Variants in FOLH1 observed in about 807,000 individuals in gnomAD.
FOLH1 encodes folate hydrolase 1.
FOLH1 carries 54 observed loss-of-function variants against 93.9 expected under a neutral mutation model. The observed-to-expected ratio is 0.57, with a 90% CI of 0.46 to 0.72. FOLH1 has a LOEUF of 0.72. FOLH1 is among the 30% of genes least tolerant of loss of function. FOLH1 has a pLI of 0.00. For synonymous variants in FOLH1, 249 were observed against 303.6 expected (o/e 0.82, Z 1.87); for missense variants, 571 against 892.5 (o/e 0.64, Z 4.59).
intron 10 of FOLH1, among the ~76,000 whole-genome samples, chr11:49,172,395 C>T (rs1859442354): frequency 2.0e-5 from 3 of 152,038 alleles, no homozygotes; most frequent in Admixed American, 6.6e-5. Flanking sequence ...ATAGAGACAT[C>T]ATGGTTTTGA....
intron 4 of FOLH1, among the ~76,000 whole-genome samples, chr11:49,190,836 T>G (rs1323065493): frequency 6.6e-6 from 1 of 152,222 alleles, no homozygotes; most frequent in Non-Finnish European, 1.5e-5. Flanking sequence ...TTGTTTTGTT[T>G]TTTGAGACGG....
intron 2 of FOLH1, 48 bp downstream of exon 2, chr11:49,206,019 A>G (rs779941075): frequency 2.6e-6 from 4 of 1,561,404 alleles, no homozygotes; most frequent in South Asian, 1.2e-5. Context: ...ACAGAATGAT[A>G]AATTTTTCTA....
At chr11:49,203,868 A>G (rs1275382025) in intron 2 of FOLH1, among the ~76,000 whole-genome samples, 1 of 152,196 alleles carries the variant, frequency 6.6e-6, no homozygotes, top group Non-Finnish European at 1.5e-5. Context: ...TCAGTTCAGC[A>G]TTGATCGCAT....
At chr11:49,163,410 T>G (rs1857960271) in intron 13 of FOLH1, among the ~76,000 whole-genome samples, 2 of 152,028 alleles carry the variant, frequency 1.3e-5, no homozygotes. Flanking sequence ...CCACCCCCAG[T>G]CATCTTGGGC....
At chr11:49,157,648 A>G (rs901234667) in intron 14 of FOLH1, among the ~76,000 whole-genome samples, 1 of 151,992 alleles carries the variant, frequency 6.6e-6, no homozygotes, top group South Asian at 2.1e-4. Flanking sequence ...AAAAAAATCC[A>G]AAGTCCAAAA....
At chr11:49,165,281 C>G (rs1484121399) in intron 12 of FOLH1, among the ~76,000 whole-genome samples, 1 of 152,226 alleles carries the variant, frequency 6.6e-6, no homozygotes, top group South Asian at 2.1e-4. Context: ...TCCCACTAGA[C>G]GATAAGTCCC....
intron 1 of FOLH1, chr11:49,208,033 C>A: frequency 1.5e-6 from 1 of 648,854 alleles, no homozygotes; most frequent in Non-Finnish European, 2.8e-6. Context: ...CCTTCCTACG[C>A]CCAGTTTCAG....
chr11:49,168,222 A>T lies in FOLH1; in HGVS notation c.1372+973T>A, dbSNP rs577018841. ...GTGCCATGAAGACATGTCTTCCCTG[A>T]AAAAGTAACATTTCAAAGGAGGGTC... is the stretch of plus-strand genomic sequence containing the variant. On this transcript the variant is annotated intron_variant, in intron 12 of 18. Coordinates refer to ENST00000256999, the MANE Select transcript of FOLH1 (RefSeq NM_004476.3). 1.0e-3 allele frequency among the ~76,000 whole-genome samples: 159 copies of T among 151,778 alleles called. 2 individuals carry two copies. Among genetic ancestry groups the T allele is most frequent in the Non-Finnish European group, 1.6e-3 (108 of 68,028 alleles).
At chr11:49,169,308 T>A (rs531116079) in intron 11 of FOLH1, 50 bp from the exon 12 acceptor site, 1 of 1,539,626 alleles carries the variant, frequency 6.5e-7, no homozygotes, top group East Asian at 2.3e-5. Context: ...CCACTCCCCC[T>A]CCCCCACAAA....
intron 1 of FOLH1, among the ~76,000 whole-genome samples, chr11:49,206,499 A>G (rs920659421): frequency 2.0e-5 from 3 of 152,218 alleles, no homozygotes; most frequent in Non-Finnish European, 4.4e-5. Flanking sequence ...TGTAAACGAG[A>G]TGTTCTGAAA....
chr11:49,190,213 T>A (rs1279823142), intron 4 of FOLH1, among the ~76,000 whole-genome samples: 2 of 152,184 alleles, frequency 1.3e-5, no homozygotes, highest in Admixed American at 1.3e-4. Context: ...TGTCTTTTGA[T>A]ATATCAGCAA....
chr11:49,190,164 T>G (rs1861864781), intron 4 of FOLH1, among the ~76,000 whole-genome samples: 1 of 152,208 alleles, frequency 6.6e-6, no homozygotes, highest in Admixed American at 6.5e-5. Flanking sequence ...TATAAGTAAC[T>G]TTGAGGAGAT....
At chr11:49,164,920 T>G in intron 12 of FOLH1, 148 bp from the exon 13 acceptor site, 1 of 677,078 alleles carries the variant, frequency 1.5e-6, no homozygotes, top group East Asian at 2.9e-5. Flanking sequence ...ACTAACTCTG[T>G]AAAGTCCATC....
At chr11:49,161,638 A>G (rs1857713075) in intron 13 of FOLH1, among the ~76,000 whole-genome samples, 1 of 152,164 alleles carries the variant, frequency 6.6e-6, no homozygotes, top group African/African-American at 2.4e-5. Context: ...ATAAGATTAG[A>G]ATTGAAATGT....
intron 13 of FOLH1, among the ~76,000 whole-genome samples, chr11:49,159,886 T>C (rs1189745632): frequency 2.0e-5 from 3 of 150,532 alleles, no homozygotes; most frequent in Non-Finnish European, 4.4e-5. Flanking sequence ...GAATTTATCC[T>C]TTTTTTTCTT....
At chr11:49,162,095 A>G (rs1253182958) in intron 13 of FOLH1, among the ~76,000 whole-genome samples, 1 of 152,056 alleles carries the variant, frequency 6.6e-6, no homozygotes, top group Admixed American at 6.6e-5. Context: ...TCTGATGAGT[A>G]TGTGTCTTGG....
rs184044814 is a variant in FOLH1, at chr11:49,172,321, T to C, written c.1225+1036A>G. 6.2e-3 allele frequency among the ~76,000 whole-genome samples: 950 copies of C among 152,274 alleles called. 33 individuals are homozygous for C. The highest frequency in any genetic ancestry group is 0.058 in the Admixed American group (880 of 15,284). ...TGTAAATTTAGGTCTCCATTGTTTG[T>C]TTTCTTCAAATATAAGATAGCTGTG... is the stretch of plus-strand genomic sequence containing the variant. On this transcript the variant is annotated intron_variant, in intron 10 of 18. Transcript: ENST00000256999.
At chr11:49,194,015 G>A (rs1034059402) in intron 3 of FOLH1, among the ~76,000 whole-genome samples, 4 of 151,484 alleles carry the variant, frequency 2.6e-5, no homozygotes, top group East Asian at 1.9e-4. Context: ...AAAATTAGCC[G>A]GGCCTACGTG....
intron 13 of FOLH1, among the ~76,000 whole-genome samples, chr11:49,161,984 G>A (rs1857755509): frequency 6.6e-6 from 1 of 152,196 alleles, no homozygotes; most frequent in Non-Finnish European, 1.5e-5. Flanking sequence ...GGTTTCAGCT[G>A]AGAGGTCCAC....
Sources: allele counts gnomAD v4.1 joint callset (sites outside exome capture counted in the v4.1 genomes callset), GRCh38; gene constraint gnomAD v4.1.1; transcripts MANE v1.5; gene names NCBI Gene and HGNC (gene_info 2026-07-23, HGNC 2026-07-21).